The following PBX3 variants were observed in gnomAD, a reference collection of about 807,000 sequenced individuals.
PBX3 encodes the protein PBX homeobox 3.
In PBX3, 14 loss-of-function variants were observed where a neutral mutation model predicts 48.5. The observed-to-expected ratio is 0.29, with a 90% CI of 0.19 to 0.45. The LOEUF is 0.45. Among genes scored for constraint, PBX3 ranks in the 20% least tolerant of loss-of-function variants. The pLI, the probability that PBX3 is intolerant of heterozygous loss-of-function variation, is 1.00. For missense variants in PBX3, 386 were observed against 546.7 expected, an observed-to-expected ratio of 0.71 and a Z score of 2.93; for synonymous variants, 210 against 200.3, an observed-to-expected ratio of 1.05 and a Z score of -0.41.
chr9:125,852,737 C>G (rs1171816164), intron 2 of PBX3, among the ~76,000 whole-genome samples: 1 of 152,096 alleles, frequency 6.6e-6, no homozygotes, highest in Non-Finnish European at 1.5e-5. Context: ...ATGTTAAATT[C>G]ATAGTTGTTA....
At chr9:125,851,299 A>G (rs1272801968) in intron 2 of PBX3, among the ~76,000 whole-genome samples, 1 of 150,224 alleles carries the variant, frequency 6.7e-6, no homozygotes, top group East Asian at 2.0e-4. Context: ...AATTTCCCAA[A>G]TCTGTTGATT....
chr9:125,747,751 C>T (rs1836235259), intron 1 of PBX3, 98 bp downstream of exon 1: 5 of 893,508 alleles, frequency 5.6e-6, no homozygotes, highest in Non-Finnish European at 7.8e-6. Context: ...AGGGCCGCAG[C>T]CCCCGGCGGG....
chr9:125,795,643 G>A (rs980795921), intron 2 of PBX3, among the ~76,000 whole-genome samples: 7 of 152,010 alleles, frequency 4.6e-5, no homozygotes, highest in African/African-American at 1.5e-4. Context: ...ATATATATTA[G>A]CAGAGGGCTT....
intron 2 of PBX3, among the ~76,000 whole-genome samples, chr9:125,788,150 G>A (rs1837506497): frequency 6.6e-6 from 1 of 152,188 alleles, no homozygotes; most frequent in South Asian, 2.1e-4. Flanking sequence ...TAGATAATTA[G>A]TTGTTTAATG....
At chr9:125,928,392 ATG>A (rs112869741) in intron 3 of PBX3, among the ~76,000 whole-genome samples, 37,213 of 139,848 alleles carry the variant, frequency 0.27, 4,882 homozygotes, top group East Asian at 0.42. Flanking sequence ...GGGGAAACAA[ATG>A]TGTGTGTGTG....
At chr9:125,919,359 A>ATTTTTTTTTTTTTTTTTTTTTTTT (rs34891465) in intron 3 of PBX3, among the ~76,000 whole-genome samples, 2 of 102,752 alleles carry the variant, frequency 1.9e-5, no homozygotes, top group Non-Finnish European at 1.9e-5. Context: ...TGCCCGTCTA[A>ATTTTTTTTTTTTTTTTTTTTTTTT]TTTTTTTTTT....
intron 2 of PBX3, among the ~76,000 whole-genome samples, chr9:125,797,825 A>T (rs1837829658): frequency 6.6e-6 from 1 of 152,170 alleles, no homozygotes; most frequent in Admixed American, 6.5e-5. Context: ...AAAATTTAAT[A>T]TGCTTTCTCC....
At chr9:125,797,569 G>A (rs1266371030) in intron 2 of PBX3, 1 of 151,994 alleles carries the variant, frequency 6.6e-6, no homozygotes, top group African/African-American at 2.4e-5. Context: ...GTGTGTTTAA[G>A]GTATACAGTG....
rs1287719887 is a variant in PBX3 at position 125,926,683 on chromosome 9, G to A, written c.517-2972G>A. Reference sequence around the variant, plus strand: ...AATACAAAAAAAATTACCCGGGCATGGTGGCACACGCCTGTAATCCCAGCT... The same window carrying A: ...AATACAAAAAAAATTACCCGGGCATAGTGGCACACGCCTGTAATCCCAGCT... On this transcript the variant is annotated intron_variant, in intron 3 of 8. Transcript: ENST00000373489. Among the ~76,000 whole-genome samples, 8 of 150,302 alleles carry A rather than the reference G, an allele frequency of 5.3e-5. No individual in the cohort carries two copies. The South Asian group carries it at 8.5e-4, about 16-fold the overall frequency.
intron 2 of PBX3, among the ~76,000 whole-genome samples, chr9:125,878,169 C>A (rs1383115274): frequency 6.6e-6 from 1 of 152,134 alleles, no homozygotes; most frequent in Non-Finnish European, 1.5e-5. Flanking sequence ...GGAGAGAAGT[C>A]ATTAGTTAAC....
At chr9:125,763,205 G>C (rs1359929417) in intron 2 of PBX3, among the ~76,000 whole-genome samples, 1 of 151,996 alleles carries the variant, frequency 6.6e-6, no homozygotes, top group African/African-American at 2.4e-5. Flanking sequence ...TGCCCTTTGT[G>C]GGGGAAAAAA....
At chr9:125,944,704 G>A (rs1842029671) in intron 5 of PBX3, among the ~76,000 whole-genome samples, 1 of 152,056 alleles carries the variant, frequency 6.6e-6, no homozygotes, top group African/African-American at 2.4e-5. Context: ...AAACTCAGAA[G>A]CAAAAAACAG....
chr9:125,793,258 G>A (rs1473821355), intron 2 of PBX3, among the ~76,000 whole-genome samples: 1 of 149,892 alleles, frequency 6.7e-6, no homozygotes, highest in East Asian at 2.0e-4. Context: ...ATGCTGAGGC[G>A]GGAGAATGGC....
intron 2 of PBX3, among the ~76,000 whole-genome samples, chr9:125,892,021 G>A (rs1045087730): frequency 1.3e-5 from 2 of 152,114 alleles, no homozygotes; most frequent in Non-Finnish European, 2.9e-5. Context: ...CCAGATTCAA[G>A]CAATTCTCCT....
chr9:125,780,095 G>A (rs1294060093), intron 2 of PBX3, among the ~76,000 whole-genome samples: 2 of 127,730 alleles, frequency 1.6e-5, no homozygotes, highest in Admixed American at 7.6e-5. Context: ...CGGACGGGGC[G>A]GCTGGCTGGG....
At chr9:125,885,239 G>T (rs1316804483) in intron 2 of PBX3, among the ~76,000 whole-genome samples, 2 of 152,122 alleles carry the variant, frequency 1.3e-5, no homozygotes, top group Admixed American at 1.3e-4. Flanking sequence ...TATTTGTAAT[G>T]ACTTCACCTT....
At chr9:125,809,732 C>G (rs539627693) in intron 2 of PBX3, among the ~76,000 whole-genome samples, 70 of 152,116 alleles carry the variant, frequency 4.6e-4, no homozygotes, top group African/African-American at 1.7e-3. Context: ...TTCTGATCAT[C>G]AATGTAAACC....
intron 2 of PBX3, among the ~76,000 whole-genome samples, chr9:125,819,974 G>A (rs1484164324): frequency 6.6e-6 from 1 of 151,950 alleles, no homozygotes; most frequent in Non-Finnish European, 1.5e-5. Context: ...AATTTGTATA[G>A]ATTTTGGAAA....
intron 2 of PBX3, among the ~76,000 whole-genome samples, chr9:125,883,578 A>C (rs1036775064): frequency 6.6e-6 from 1 of 151,630 alleles, no homozygotes; most frequent in Non-Finnish European, 1.5e-5. Context: ...TTTCCATCCT[A>C]GTTGCGTAGC....
Sources: allele counts gnomAD v4.1 joint callset (sites outside exome capture counted in the v4.1 genomes callset), GRCh38; gene constraint gnomAD v4.1.1; transcripts MANE v1.5; gene names NCBI Gene and HGNC (gene_info 2026-07-23, HGNC 2026-07-21).